Variants in DOT1L observed in about 807,000 individuals in gnomAD.
The protein encoded by DOT1L is histone-lysine N-methyltransferase, H3 lysine-79 specific.
A neutral mutation model predicts 153.3 loss-of-function variants in DOT1L; 33 were observed. The observed-to-expected ratio is 0.22, with a 90% CI of 0.16 to 0.29. DOT1L has a LOEUF of 0.29. Ranked by LOEUF, DOT1L falls within the 10% of genes least tolerant of loss-of-function variation. DOT1L has a pLI of 1.00. For missense variants in DOT1L, 1,847 were observed against 2,119.9 expected, an observed-to-expected ratio of 0.87 and a Z score of 2.53; for synonymous variants, 1,135 against 965.1, an observed-to-expected ratio of 1.18 and a Z score of -3.26.
chr19:2,167,990 C>T (rs921969582), intron 1 of DOT1L, among the ~76,000 whole-genome samples: 38 of 152,324 alleles, frequency 2.5e-4, no homozygotes, highest in African/African-American at 9.1e-4. Context: ...CCACCTCGGC[C>T]TCCCAGAGTG....
chr19:2,193,705 G>C lies in DOT1L; in HGVS notation c.510G>C (p.Val170=). 3 of 1,614,124 alleles carry C rather than the reference G, an allele frequency of 1.9e-6. No individual in the cohort carries two copies. Among genetic ancestry groups the C allele is most frequent in the South Asian group, 1.1e-5 (1 of 91,084 alleles). The change falls in exon 6 of 28, where the codon GTG becomes GTC. Residue 170 remains valine (V), a synonymous_variant. Coordinates refer to ENST00000398665, the MANE Select transcript of DOT1L (RefSeq NM_032482.3). The surrounding 1 kb of genome is among the most constrained non-coding windows in gnomAD (Gnocchi z 5.9). ...TGATCATAGGTGTGGGCCAGGTCGTGCTCCAGGTTGCTGCTGCCACCAACT... is the reference window on the plus strand; with the variant it reads ...TGATCATAGGTGTGGGCCAGGTCGTCCTCCAGGTTGCTGCTGCCACCAACT... ...VDLGSGVGQV[V]LQVAAATNCK...
At chr19:2,178,801 G>A (rs1486707872) in intron 1 of DOT1L, among the ~76,000 whole-genome samples, 1 of 152,078 alleles carries the variant, frequency 6.6e-6, no homozygotes, top group Non-Finnish European at 1.5e-5. Flanking sequence ...TCCTGACCTC[G>A]TGATCCACCT....
chr19:2,213,469 C>T (rs768999758), intron 16 of DOT1L, 70 bp from the exon 17 acceptor site: 24 of 1,465,878 alleles, frequency 1.6e-5, no homozygotes, highest in East Asian at 4.5e-5. Context: ...AGAGGCAGGG[C>T]GTGGGCCCTC....
At chr19:2,218,119 A>T (rs1473240789) in intron 22 of DOT1L, among the ~76,000 whole-genome samples, 1 of 152,120 alleles carries the variant, frequency 6.6e-6, no homozygotes, top group East Asian at 1.9e-4. Flanking sequence ...CTTTTGGGTG[A>T]AAGGTACGTG....
chr19:2,190,023 G>T lies in DOT1L; in HGVS notation c.264+228G>T, dbSNP rs2022723335. The stretch of plus-strand genomic sequence containing the variant: ...AAGCAGAGCCGTCCGTGGTTTGTGT[G>T]CTGAGGCAGGGCCCTGAGGGTTGTG... On this transcript the variant is annotated intron_variant, in intron 4 of 27. Coordinates refer to ENST00000398665, the MANE Select transcript of DOT1L (RefSeq NM_032482.3). The surrounding 1 kb of genome is among the most constrained non-coding windows in gnomAD (Gnocchi z 4.8). 6.6e-6 allele frequency among the ~76,000 whole-genome samples: 1 copy of T among 152,194 alleles called. No homozygotes were observed. Among genetic ancestry groups the T allele is most frequent in the Non-Finnish European group, 1.5e-5 (1 of 68,022 alleles).
rs2024601790 is a variant in DOT1L, at chr19:2,231,613, C to T, written c.*1821C>T. The T allele has an allele frequency of 9.6e-6, 2 of 207,996 alleles. No individual in the cohort carries two copies. The highest frequency in any genetic ancestry group is 4.6e-5 in the African/African-American group (2 of 43,816). The allele number at this position is 207,996 out of a possible 1,614,324, so 12.9% of individuals were successfully genotyped here. A position where few individuals can be genotyped will look rare whatever the true frequency, so the allele number is the denominator to read the frequency against. On this transcript the variant is annotated 3_prime_UTR_variant, in exon 28 of 28. Coordinates refer to ENST00000398665, the MANE Select transcript of DOT1L (RefSeq NM_032482.3). The stretch of plus-strand genomic sequence containing the variant: ...CCTCCCCACCCCACGTTGGTGCTCT[C>T]AGCTAGAAGGTGCTGTGCCTCTGCC...
chr19:2,189,939 C>T (rs1483536838), intron 4 of DOT1L, 144 bp downstream of exon 4: 1 of 945,110 alleles, frequency 1.1e-6, no homozygotes, highest in Admixed American at 2.1e-5. Context: ...GGACGATGGG[C>T]TGTGGGTGAG....
intron 16 of DOT1L, 107 bp downstream of exon 16, chr19:2,211,949 T>C: frequency 9.6e-7 from 1 of 1,036,454 alleles, no homozygotes; most frequent in Non-Finnish European, 1.4e-6. Context: ...CAGGCCTGAG[T>C]GGGCTCCCTC....
chr19:2,185,308 G>T (rs1284333649), intron 2 of DOT1L, among the ~76,000 whole-genome samples: 6 of 152,210 alleles, frequency 3.9e-5, no homozygotes, highest in African/African-American at 1.4e-4. Flanking sequence ...TAGGTCCCCA[G>T]AGCCACTGGT....
intron 3 of DOT1L, 32 bp from the exon 4 acceptor site, chr19:2,189,700 G>C (rs367786294): frequency 1.2e-6 from 2 of 1,606,396 alleles, no homozygotes; most frequent in African/African-American, 1.3e-5. Context: ...GCTCCTGCCC[G>C]CATGACCAGG....
chr19:2,166,059 C>T (rs1049860187), intron 1 of DOT1L, among the ~76,000 whole-genome samples: 7 of 151,942 alleles, frequency 4.6e-5, no homozygotes, highest in African/African-American at 1.7e-4. Context: ...TGTGAGCCAC[C>T]GCGCCCGGCC....
At chr19:2,221,568 G>A (rs985628682) in intron 23 of DOT1L, 2 of 200,514 alleles carry the variant, frequency 1.0e-5, no homozygotes, top group Admixed American at 1.1e-4. Context: ...GAGTATCCAA[G>A]CTGAGTTGTC....
chr19:2,226,775 C>T lies in DOT1L; in HGVS notation c.4254C>T (p.Val1418=), dbSNP rs772845018. The change falls in exon 27 of 28, where the codon GTC becomes GTT. Residue 1418 remains valine (V), a synonymous_variant. Coordinates refer to ENST00000398665, the MANE Select transcript of DOT1L (RefSeq NM_032482.3). ...CCGCCAAGGCCCGGGACCGCGAGGT[C>T]GACCTCAAGAATGGCCACAACCTCT... ...GKAAKARDRE[V]DLKNGHNLFI... is the part of the protein sequence containing the mutation. 4.1e-5 allele frequency: 64 copies of T among 1,570,662 alleles called. No individual in the cohort carries two copies. The highest frequency in any genetic ancestry group is 5.4e-5 in the Non-Finnish European group (63 of 1,164,820).
rs1207150925 is a variant in DOT1L, at chr19:2,208,819, T to C, written c.964-116T>C. On this transcript the variant is annotated intron_variant, in intron 11 of 27. Transcript: ENST00000398665. The surrounding 1 kb of genome is among the most constrained non-coding windows in gnomAD (Gnocchi z 4.4). ...TAGCTGCATGCCTGCTGTCCCCAGATACCAGAACAGCCTCCCCAGCCACTG... is the reference window on the plus strand; with the variant it reads ...TAGCTGCATGCCTGCTGTCCCCAGACACCAGAACAGCCTCCCCAGCCACTG... The C allele has an allele frequency of 4.6e-6, 5 of 1,078,848 alleles. No homozygotes were observed. The highest frequency in any genetic ancestry group is 4.3e-5 in the Admixed American group (2 of 46,162). The allele number at this position is 1,078,848 out of a possible 1,614,324, so 66.8% of individuals were successfully genotyped here. A position where few individuals can be genotyped will look rare whatever the true frequency, so the allele number is the denominator to read the frequency against.
Position 2,220,270 on chromosome 19 carries a change from G to A in DOT1L, c.2806+48G>A. ...CCCTCAGGACTCTGCTGCTGCTGCT[G>A]CTCTTCAGGCAGGAGGGCTGGGTTG... On this transcript the variant is annotated intron_variant, in intron 23 of 27. Transcript: ENST00000398665. This position sits in a 1 kb window ranked among gnomAD's most constrained non-coding sequence, Gnocchi z 4.5. 1.9e-6 allele frequency: 3 copies of A among 1,551,552 alleles called. No homozygotes were observed. The highest frequency in any genetic ancestry group is 1.4e-5 in the African/African-American group (1 of 73,560).
chr19:2,227,906 C>CCCTCCGCCTCCG (rs766504104), intron 27 of DOT1L: 111 of 1,228,588 alleles, frequency 9.0e-5, no homozygotes, highest in Non-Finnish European at 1.1e-4. Context: ...CCCGGCCGCC[C>CCCTCCGCCTCCG]CCTCCGCCTC....
rs769178549 is a variant in DOT1L, at chr19:2,222,050, G to C, written c.2881G>C (p.Glu961Gln). 1 of 1,613,044 alleles carries C rather than the reference G, an allele frequency of 6.2e-7. No individual in the cohort carries two copies. The highest frequency in any genetic ancestry group is 1.3e-5 in the African/African-American group (1 of 74,928). The change falls in exon 24 of 28, where the codon GAG (glutamate) becomes CAG (glutamine). Residue 961 changes from glutamate (E) to glutamine (Q), a missense_variant. Glu to Gln is a conservative substitution (Grantham distance 29). Transcript: ENST00000398665. The surrounding 1 kb of genome is among the most constrained non-coding windows in gnomAD (Gnocchi z 6.5). ...GSPASLTPGA[E>Q]PATLDESSSS... ...CCCGGCCTCTCTCACACCTGGAGCC[G>C]AGCCGGCCACCTTGGATGAGTCCTC...
chr19:2,207,201 G>A lies in DOT1L; in HGVS notation c.857-373G>A, dbSNP rs764053390. ...GTGCTCTGTCAGCTCCCAGCCTTGC[G>A]GGGCAGCACGGCCTCCTCTGAGGGG... On this transcript the variant is annotated intron_variant, in intron 10 of 27. Transcript: ENST00000398665. The surrounding 1 kb of genome is among the most constrained non-coding windows in gnomAD (Gnocchi z 4.5). Among the ~76,000 whole-genome samples, 20 of 152,216 alleles carry A rather than the reference G, an allele frequency of 1.3e-4. No homozygotes were observed. The highest frequency in any genetic ancestry group is 2.4e-4 in the Non-Finnish European group (16 of 68,034).
intron 26 of DOT1L, 105 bp downstream of exon 26, chr19:2,225,557 T>G: frequency 1.6e-6 from 2 of 1,242,780 alleles, no homozygotes; most frequent in South Asian, 2.4e-5. Flanking sequence ...GTGTCCCGCA[T>G]GGTGCTGGCC....
Sources: gnomAD v4.1 joint callset for allele counts (sites outside exome capture counted in the v4.1 genomes callset) on GRCh38, gnomAD v4.1.1 for gene constraint, Gnocchi (gnomAD v3.1) non-coding constraint, MANE v1.5 for transcripts, NCBI Gene and HGNC (gene_info 2026-07-23, HGNC 2026-07-21) for gene names.